Variants in ARPIN observed in about 807,000 individuals in gnomAD.
ARPIN encodes UPF0552 protein C15orf38.
Under a neutral mutation model 25.9 loss-of-function variants are expected in ARPIN, and 23 were observed. The observed-to-expected ratio is 0.89, with a 90% CI of 0.64 to 1.26. The LOEUF is 1.26. Ranked by LOEUF, ARPIN falls within the 50% of genes most tolerant of loss-of-function variation. ARPIN has a pLI of 0.00. For missense variants in ARPIN, 333 were observed against 312.2 expected, an observed-to-expected ratio of 1.07 and a Z score of -0.50; for synonymous variants, 126 against 131.4, an observed-to-expected ratio of 0.96 and a Z score of 0.28.
chr15:89,903,692 C>A (rs1281295158), intron 4 of ARPIN, 85 bp downstream of exon 4: 50 of 1,567,596 alleles, frequency 3.2e-5, no homozygotes, highest in Non-Finnish European at 4.2e-5. Flanking sequence ...TTGCCTGCTC[C>A]CATGAGCTCT....
rs762336309 is a variant in ARPIN, at chr15:89,898,698, G to C, written c.*3097C>G. On this transcript the variant is annotated 3_prime_UTR_variant, in exon 6 of 6. Coordinates refer to ENST00000357484, the MANE Select transcript of ARPIN (RefSeq NM_182616.4). ...GGAGGAAGCGAGCCGAGAAAGGAGG[G>C]TTGTGACATTGTGATGAGCTCTGAG... 3.4e-5 allele frequency: 5 copies of C among 147,060 alleles called. No homozygotes were observed. Among genetic ancestry groups the C allele is most frequent in the Non-Finnish European group, 6.0e-5 (4 of 67,048 alleles). 9.1% of individuals were successfully genotyped at this position (147,060 alleles called of 1,614,324 possible).
rs776237050 is a variant in ARPIN, at chr15:89,910,795, T to C, written c.117A>G (p.Gly39=). The part of the protein sequence containing the change: ...HQGGNGVLLE[G]ELIDVSRHSI... The stretch of plus-strand genomic sequence containing the variant: ...TGTGCCGAGATACATCGATCAGTTC[T>C]CCCTCCAGCAGGACACCATTTCCCC... The change falls in exon 2 of 6, where the codon GGA becomes GGG. Residue 39 remains glycine (G), a synonymous_variant. Coordinates refer to ENST00000357484, the MANE Select transcript of ARPIN (RefSeq NM_182616.4). 2.5e-6 allele frequency: 4 copies of C among 1,614,028 alleles called. No homozygotes were observed. Among genetic ancestry groups the C allele is most frequent in the Non-Finnish European group, 2.5e-6 (3 of 1,179,980 alleles).
chr15:89,909,862 C>T (rs1048771294), intron 2 of ARPIN, among the ~76,000 whole-genome samples: 5 of 152,122 alleles, frequency 3.3e-5, no homozygotes, highest in African/African-American at 4.8e-5. Context: ...GTTCCCAGCC[C>T]GGTGGCTGGG....
chr15:89,905,022 C>T (rs1052830869), intron 3 of ARPIN, among the ~76,000 whole-genome samples: 1 of 99,644 alleles, frequency 1.0e-5, no homozygotes, highest in East Asian at 3.6e-4. Flanking sequence ...CACCTGTCAA[C>T]CCTTTTTTTT....
chr15:89,910,953 A>T, intron 1 of ARPIN, 134 bp from the exon 2 acceptor site: 1 of 1,105,236 alleles, frequency 9.0e-7, no homozygotes, highest in Non-Finnish European at 1.3e-6. Context: ...CGACATAGGG[A>T]TCTCCAAAGG....
chr15:89,898,687 G>A lies in ARPIN; in HGVS notation c.*3108C>T, dbSNP rs920087600. On this transcript the variant is annotated 3_prime_UTR_variant, in exon 6 of 6. Coordinates refer to ENST00000357484, the MANE Select transcript of ARPIN (RefSeq NM_182616.4). ...AGAGCTCTTAAGGAGGAAGCGAGCC[G>A]AGAAAGGAGGGTTGTGACATTGTGA... 7.3e-5 allele frequency: 11 copies of A among 151,278 alleles called. No individual in the cohort carries two copies. The highest frequency in any genetic ancestry group is 2.0e-4 in the Admixed American group (3 of 15,088). The allele number at this position is 151,278 out of a possible 1,614,324, so 9.4% of individuals were successfully genotyped here.
rs71827477 is a variant in ARPIN at position 89,898,254 on chromosome 15, GA to G, written c.*3540del. ...AAAGGCAAGCTGGACACTGGTGGAA[GA>G]AAAAAAAATTCAGATGGGTAGAGGA... On this transcript the variant is annotated 3_prime_UTR_variant, in exon 6 of 6. Coordinates refer to ENST00000357484, the MANE Select transcript of ARPIN (RefSeq NM_182616.4). 0.48 allele frequency: 73,094 copies of G among 151,552 alleles called. 17,975 individuals are homozygous for G. The highest frequency in any genetic ancestry group is 0.6 in the East Asian group (3,113 of 5,156). The allele number at this position is 151,552 out of a possible 1,614,324, so 9.4% of individuals were successfully genotyped here.
chr15:89,909,620 G>A (rs1897188478), intron 2 of ARPIN, among the ~76,000 whole-genome samples: 1 of 152,232 alleles, frequency 6.6e-6, no homozygotes, highest in Admixed American at 6.5e-5. Context: ...GAGACCCTCA[G>A]AGATGTATTT....
At chr15:89,905,932 C>CA (rs1301070851) in intron 3 of ARPIN, among the ~76,000 whole-genome samples, 1 of 152,124 alleles carries the variant, frequency 6.6e-6, no homozygotes, top group Non-Finnish European at 1.5e-5. Context: ...CCTGGCAACT[C>CA]AAACTCAGTG....
At position 89,901,454 on chromosome 15, in the gene ARPIN, G is replaced by A; in HGVS notation, c.*341C>T. On this transcript the variant is annotated 3_prime_UTR_variant, in exon 6 of 6. Coordinates refer to ENST00000357484, the MANE Select transcript of ARPIN (RefSeq NM_182616.4). ...AACACCTTGGGAGGTGGAGGGGGGT[G>A]GATCGCTTGAGTCCAGGAGTTTGAG... 3.3e-6 allele frequency: 1 copy of A among 306,386 alleles called. No individual in the cohort carries two copies. The highest frequency in any genetic ancestry group is 4.2e-5 in the South Asian group (1 of 24,074). The allele number at this position is 306,386 out of a possible 1,614,324, so 19.0% of individuals were successfully genotyped here.
In ARPIN at chr15:89,901,410, G is replaced by A. The variant is rs1226504513; in HGVS notation, c.*385C>T. ...GGGTCAACATGAGGCTGGGTGCAGT[G>A]GCTCACGCCTGTAATCCCAACACCT... is the stretch of plus-strand genomic sequence containing the variant. On this transcript the variant is annotated 3_prime_UTR_variant, in exon 6 of 6. Coordinates refer to ENST00000357484, the MANE Select transcript of ARPIN (RefSeq NM_182616.4). 9 of 240,746 alleles carry A rather than the reference G, an allele frequency of 3.7e-5. No individual in the cohort carries two copies. Among genetic ancestry groups the A allele is most frequent in the Non-Finnish European group, 6.5e-5 (8 of 123,784 alleles). The allele number at this position is 240,746 out of a possible 1,614,324, so 14.9% of individuals were successfully genotyped here.
In ARPIN at chr15:89,907,319, C is replaced by T. The variant is rs908385469; in HGVS notation, c.301+961G>A. ...CTGACCTCAAGTGATCCACCCACCT[C>T]GGCCTCCCAAAGTGCTGGGATTATA... is the stretch of plus-strand genomic sequence containing the variant. On this transcript the variant is annotated intron_variant, in intron 3 of 5. Coordinates refer to ENST00000357484, the MANE Select transcript of ARPIN (RefSeq NM_182616.4). 4.6e-5 allele frequency among the ~76,000 whole-genome samples: 7 copies of T among 152,192 alleles called. No homozygotes were observed. The South Asian group carries it at 6.2e-4, about 14-fold the overall frequency.
rs143358681 is a variant in ARPIN, at chr15:89,909,696, G to A, written c.168+1048C>T. ...AGTTCTGGGGACAGCCAGAAGGCAG[G>A]GGGACAGGTGCAAGGTTTTATCAGG... On this transcript the variant is annotated intron_variant, in intron 2 of 5. Coordinates refer to ENST00000357484, the MANE Select transcript of ARPIN (RefSeq NM_182616.4). Among the ~76,000 whole-genome samples, 117 of 152,340 alleles carry A rather than the reference G, an allele frequency of 7.7e-4. No individual in the cohort carries two copies. The South Asian group carries it at 9.3e-3, about 12-fold the overall frequency.
intron 1 of ARPIN, chr15:89,912,137 TG>T: frequency 1.1e-6 from 1 of 944,044 alleles, no homozygotes; most frequent in Non-Finnish European, 1.3e-6. Context: ...GCCGTTTCTA[TG>T]GTTCAACGCT....
chr15:89,910,673 AAG>A, intron 2 of ARPIN, 69 bp downstream of exon 2: 1 of 1,596,066 alleles, frequency 6.3e-7, no homozygotes, highest in South Asian at 1.1e-5. Context: ...GACCCAGCAC[AAG>A]GAGATGCCAC....
chr15:89,912,662 A>AGGGGG, intron 1 of ARPIN, 82 bp downstream of exon 1: 13 of 661,642 alleles, frequency 2.0e-5, no homozygotes, highest in South Asian at 2.9e-5. Flanking sequence ...CCCCACCCGC[A>AGGGGG]TCCCACCCCC....
At chr15:89,907,153 C>T (rs1168779449) in intron 3 of ARPIN, among the ~76,000 whole-genome samples, 1 of 151,580 alleles carries the variant, frequency 6.6e-6, no homozygotes, top group Non-Finnish European at 1.5e-5. Context: ...ACTGCACCTC[C>T]ACCTCCTGGG....
intron 3 of ARPIN, among the ~76,000 whole-genome samples, chr15:89,907,274 GC>G (rs1897138250): frequency 6.6e-6 from 1 of 151,836 alleles, no homozygotes. Context: ...CACCATGTTC[GC>G]CAGGCCGGTC....
At chr15:89,906,949 T>G (rs1239747741) in intron 3 of ARPIN, among the ~76,000 whole-genome samples, 1 of 151,594 alleles carries the variant, frequency 6.6e-6, no homozygotes, top group Non-Finnish European at 1.5e-5. Context: ...AGCCAGACTT[T>G]GTCTCAGACA....
Sources: gnomAD v4.1 joint callset for allele counts (sites outside exome capture counted in the v4.1 genomes callset) on GRCh38, gnomAD v4.1.1 for gene constraint, MANE v1.5 for transcripts, NCBI Gene and HGNC (gene_info 2026-07-23, HGNC 2026-07-21) for gene names.